NDUFB8: variants seen among roughly 807,000 people sequenced by gnomAD.
The protein encoded by NDUFB8 is NADH dehydrogenase [ubiquinone] 1 beta subcomplex subunit 8, mitochondrial.
A neutral mutation model predicts 26.0 loss-of-function variants in NDUFB8; 17 were observed. The ratio of observed to expected loss-of-function variants is 0.65; its 90% CI spans 0.45 to 0.98. The LOEUF (loss-of-function observed/expected upper bound fraction) is 0.98. Ranked by LOEUF, NDUFB8 falls within the 50% of genes least tolerant of loss-of-function variation. The pLI is 0.00. For synonymous variants in NDUFB8, 89 were observed against 93.1 expected (o/e 0.96, Z 0.25); for missense variants, 238 against 255.0 (o/e 0.93, Z 0.45).
At chr10:100,529,281 C>T in intron 2 of NDUFB8, 99 bp downstream of exon 2, 1 of 1,155,134 alleles carries the variant, frequency 8.7e-7, no homozygotes. Flanking sequence ...TCTGAGGGGT[C>T]ACGAGAAGGT....
In NDUFB8 at chr10:100,524,226, G is replaced by A. The variant is rs1589745581; in HGVS notation, c.469-297C>T. The A allele has an allele frequency of 8.3e-7, 1 of 1,204,534 alleles. No homozygotes were observed. The highest frequency in any genetic ancestry group is 1.2e-6 in the Non-Finnish European group (1 of 833,330). The allele number at this position is 1,204,534 out of a possible 1,614,324, so 74.6% of individuals were successfully genotyped here. ...AGACAGGGAGGGAGGTAAAGAAAGA[G>A]AGAAGAGTGTGTTAGAGTCAGAGGC... On this transcript the variant is annotated intron_variant, in intron 4 of 4. Transcript: ENST00000299166. This position sits in a 1 kb window ranked among gnomAD's most constrained non-coding sequence, Gnocchi z 4.0.
At position 100,523,827 on chromosome 10, in the gene NDUFB8, C is replaced by T. The variant is rs200839476; in HGVS notation, c.*10G>A. 2.2e-5 allele frequency: 35 copies of T among 1,612,766 alleles called. No individual in the cohort carries two copies. Among genetic ancestry groups the T allele is most frequent in the South Asian group, 2.0e-4 (18 of 91,022 alleles). On this transcript the variant is annotated 3_prime_UTR_variant, in exon 5 of 5. Coordinates refer to ENST00000299166, the MANE Select transcript of NDUFB8 (RefSeq NM_005004.4). Reference sequence around the variant, plus strand: ...CCTAGTTAGAGGACCCAAAAGCCCACGAAGCCTCCTCAGATCTCATAGTGA... The same window carrying T: ...CCTAGTTAGAGGACCCAAAAGCCCATGAAGCCTCCTCAGATCTCATAGTGA...
intron 2 of NDUFB8, 128 bp from the exon 3 acceptor site, chr10:100,527,202 C>G: frequency 1.4e-6 from 1 of 716,958 alleles, no homozygotes; most frequent in South Asian, 1.7e-5. Flanking sequence ...AGGAACTAAA[C>G]CTCAAGGCAA....
chr10:100,529,863 T>C lies in NDUFB8; in HGVS notation c.-12A>G, dbSNP rs753930427. ...CTGGCCACCGCCATCTTCACCTTCT[T>C]CACGTTTCCCTTCTGCACATGCGCA... On this transcript the variant is annotated 5_prime_UTR_variant, in exon 1 of 5. Transcript: ENST00000299166. 1.2e-6 allele frequency: 2 copies of C among 1,613,508 alleles called. No individual in the cohort carries two copies. Among genetic ancestry groups the C allele is most frequent in the African/African-American group, 2.7e-5 (2 of 74,924 alleles).
At chr10:100,527,717 C>T (rs1852076023) in intron 2 of NDUFB8, among the ~76,000 whole-genome samples, 1 of 152,236 alleles carries the variant, frequency 6.6e-6, no homozygotes, top group Admixed American at 6.5e-5. Flanking sequence ...CAATCAATTA[C>T]AGTCATGTGC....
intron 1 of NDUFB8, 73 bp downstream of exon 1, chr10:100,529,694 C>T: frequency 1.3e-6 from 2 of 1,560,718 alleles, no homozygotes; most frequent in Non-Finnish European, 1.7e-6. Context: ...GCGGCATCTA[C>T]GATCCCCCCT....
chr10:100,526,725 C>G (rs75169726), intron 3 of NDUFB8, 171 bp from the exon 4 acceptor site: 174 of 851,284 alleles, frequency 2.0e-4, no homozygotes, highest in Non-Finnish European at 2.9e-4. Flanking sequence ...AGATGCTGGC[C>G]TCTGTCTAGG....
chr10:100,527,127 CAG>C, intron 2 of NDUFB8, 53 bp from the exon 3 acceptor site: 1 of 1,420,088 alleles, frequency 7.0e-7, no homozygotes, highest in East Asian at 2.3e-5. Context: ...TCAGACAATT[CAG>C]AGTCTCCTCA....
chr10:100,529,600 G>A, intron 1 of NDUFB8, 94 bp from the exon 2 acceptor site: 1 of 1,578,982 alleles, frequency 6.3e-7, no homozygotes, highest in Non-Finnish European at 8.6e-7. Context: ...CCGAGCCCGG[G>A]ACTTCGCAGG....
chr10:100,524,378 C>T lies in NDUFB8; in HGVS notation c.469-449G>A, dbSNP rs1285510266. 2.6e-5 allele frequency among the ~76,000 whole-genome samples: 4 copies of T among 152,022 alleles called. No homozygotes were observed. The highest frequency in any genetic ancestry group is 3.9e-4 in the East Asian group (2 of 5,186). ...CACTAAAGTGGCCCAGCAAATGAGG[C>T]GTGCAGCAGCAGTGGTGGGGGAAAG... On this transcript the variant is annotated intron_variant, in intron 4 of 4. Transcript: ENST00000299166. The surrounding 1 kb of genome is among the most constrained non-coding windows in gnomAD (Gnocchi z 4.0).
Position 100,526,322 on chromosome 10 carries a change from C to A in NDUFB8, c.468+77G>T. 4.7e-6 allele frequency: 7 copies of A among 1,483,212 alleles called. No individual in the cohort carries two copies. The South Asian group carries it at 1.0e-4, about 22-fold the overall frequency. The allele number at this position is 1,483,212 out of a possible 1,614,324, so 91.9% of individuals were successfully genotyped here. On this transcript the variant is annotated intron_variant, in intron 4 of 4. Coordinates refer to ENST00000299166, the MANE Select transcript of NDUFB8 (RefSeq NM_005004.4). ...AGCCAAGCTTGGTATTGACTGGATT[C>A]CTACCCCAGAGACTTCACTCCCTCA...
At chr10:100,525,304 T>TG (rs1180316125) in intron 4 of NDUFB8, among the ~76,000 whole-genome samples, 11 of 152,038 alleles carry the variant, frequency 7.2e-5, no homozygotes, top group Middle Eastern at 3.4e-3. Flanking sequence ...TTGCCCAGGC[T>TG]GGGGGGCAGT....
At chr10:100,525,268 T>C (rs1852024327) in intron 4 of NDUFB8, among the ~76,000 whole-genome samples, 1 of 151,988 alleles carries the variant, frequency 6.6e-6, no homozygotes, top group South Asian at 2.1e-4. Flanking sequence ...TTTCTTTTTT[T>C]TTTTTCGAGA....
intron 3 of NDUFB8, 39 bp downstream of exon 3, chr10:100,526,934 CAA>C (rs1852061523): frequency 1.3e-6 from 2 of 1,579,106 alleles, no homozygotes; most frequent in Admixed American, 1.7e-5. Flanking sequence ...GCCAAGAAGA[CAA>C]AGAGAGAAGG....
At chr10:100,526,234 G>A (rs1013130055) in intron 4 of NDUFB8, 165 bp downstream of exon 4, 1 of 668,492 alleles carries the variant, frequency 1.5e-6, no homozygotes, top group Non-Finnish European at 2.3e-6. Context: ...GAAGTGCTGT[G>A]GTACTTGTGG....
chr10:100,527,115 C>G (rs1852065756), intron 2 of NDUFB8, 41 bp from the exon 3 acceptor site: 1 of 1,526,676 alleles, frequency 6.6e-7, no homozygotes, highest in African/African-American at 1.4e-5. Flanking sequence ...CTGTGAGCAG[C>G]CTCAGACAAT....
Position 100,529,449 on chromosome 10 carries a change from C to G in NDUFB8, c.143G>C (p.Arg48Pro). ...PGPYPRTPEE[R>P]AAAAKKYNMR... is the part of the protein sequence containing the mutation. ...ATTATACTTCTTGGCGGCGGCGGCC[C>G]GTTCTTCTGGGGTCCTAGGATAGGG... The change falls in exon 2 of 5, where the codon CGG (arginine) becomes CCG (proline). Residue 48 changes from arginine to proline, a missense_variant. Coordinates refer to ENST00000299166, the MANE Select transcript of NDUFB8 (RefSeq NM_005004.4). 6.2e-7 allele frequency: 1 copy of G among 1,612,724 alleles called. No individual in the cohort carries two copies. The highest frequency in any genetic ancestry group is 8.5e-7 in the Non-Finnish European group (1 of 1,179,618).
rs1852117929 is a variant in NDUFB8 at position 100,529,714 on chromosome 10, C to T, written c.85+53G>A. ...ATCTACGATCCCCCCTCCCGATACA[C>T]CAAATTTCAGGTACCCCCTTCCCAC... On this transcript the variant is annotated intron_variant, in intron 1 of 4. Transcript: ENST00000299166. 2.5e-6 allele frequency: 4 copies of T among 1,585,450 alleles called. No homozygotes were observed. The South Asian group carries it at 4.5e-5, about 18-fold the overall frequency.
Position 100,523,777 on chromosome 10 carries a change from G to T in NDUFB8, c.*60C>A, listed in dbSNP as rs1236824442. The T allele has an allele frequency of 1.4e-6, 2 of 1,480,034 alleles. No homozygotes were observed. Among genetic ancestry groups the T allele is most frequent in the African/African-American group, 1.4e-5 (1 of 71,714 alleles). 91.7% of individuals were successfully genotyped at this position (1,480,034 alleles called of 1,614,324 possible). ...GAGTTTTATTAGGGATTTCATTAAG[G>T]TTAAATTTCTAGGAATGAGGGAGTC... On this transcript the variant is annotated 3_prime_UTR_variant, in exon 5 of 5. Transcript: ENST00000299166.
Sources: allele counts gnomAD v4.1 joint callset (sites outside exome capture counted in the v4.1 genomes callset), GRCh38; gene constraint gnomAD v4.1.1; non-coding constraint Gnocchi (gnomAD v3.1); transcripts MANE v1.5; gene names NCBI Gene and HGNC (gene_info 2026-07-23, HGNC 2026-07-21).